The following RALGPS1 variants were observed in gnomAD, a reference collection of about 807,000 sequenced individuals.
RALGPS1 encodes the protein ras-specific guanine nucleotide-releasing factor RalGPS1.
Under a neutral mutation model 78.8 loss-of-function variants are expected in RALGPS1, and 19 were observed. That is an observed-to-expected ratio of 0.24 (90% confidence interval 0.17 to 0.35). The LOEUF is 0.35. Ranked by LOEUF, RALGPS1 falls within the 10% of genes least tolerant of loss-of-function variation. The pLI is 1.00. For synonymous variants in RALGPS1, 228 were observed against 256.3 expected, an observed-to-expected ratio of 0.89 and a Z score of 1.06; for missense variants, 454 against 688.3, an observed-to-expected ratio of 0.66 and a Z score of 3.81.
At chr9:127,041,031 TTG>T (rs58541875) in intron 5 of RALGPS1, among the ~76,000 whole-genome samples, 376 of 135,820 alleles carry the variant, frequency 2.8e-3, no homozygotes, top group African/African-American at 8.9e-3. Context: ...CTACAAACAT[TTG>T]TGTGTGTGTG....
chr9:127,003,968 G>T (rs1295305387), intron 4 of RALGPS1, among the ~76,000 whole-genome samples: 2 of 152,110 alleles, frequency 1.3e-5, no homozygotes, highest in African/African-American at 4.8e-5. Flanking sequence ...CCTCTTTCTG[G>T]CATCTTGGGC....
At chr9:127,015,900 C>G (rs1400373281) in intron 4 of RALGPS1, among the ~76,000 whole-genome samples, 1 of 152,096 alleles carries the variant, frequency 6.6e-6, no homozygotes, top group African/African-American at 2.4e-5. Flanking sequence ...CACCTGATCC[C>G]ACCTGGGGTT....
chr9:127,042,701 G>A (rs77699429), intron 5 of RALGPS1, among the ~76,000 whole-genome samples: 201 of 152,170 alleles, frequency 1.3e-3, no homozygotes, highest in African/African-American at 4.6e-3. Flanking sequence ...TAAATAAAAT[G>A]TATACAGATT....
At chr9:126,955,455 C>T (rs1266900916) in intron 1 of RALGPS1, among the ~76,000 whole-genome samples, 3 of 152,182 alleles carry the variant, frequency 2.0e-5, no homozygotes, top group Non-Finnish European at 4.4e-5. Context: ...TTTCATGTCA[C>T]ATAACATTCG....
At chr9:127,170,456 G>A (rs776316863) in intron 10 of RALGPS1, among the ~76,000 whole-genome samples, 1 of 152,174 alleles carries the variant, frequency 6.6e-6, no homozygotes, top group African/African-American at 2.4e-5. Flanking sequence ...ATTGTGATCT[G>A]TTACCCAATA....
intron 8 of RALGPS1, among the ~76,000 whole-genome samples, chr9:127,104,415 C>A (rs977209903): frequency 2.6e-5 from 4 of 152,216 alleles, no homozygotes; most frequent in Non-Finnish European, 5.9e-5. Context: ...TAGAGAATGA[C>A]CCCTGGAGCC....
Position 127,221,789 on chromosome 9 carries a change from C to T in RALGPS1, c.*3020C>T, listed in dbSNP as rs1052970683. ...TATCATTTTACCCCCACCTCCCAAG[C>T]CCCAAGAGGTGTACCTTTTCAGATG... On this transcript the variant is annotated 3_prime_UTR_variant, in exon 19 of 19. Coordinates refer to ENST00000259351, the MANE Select transcript of RALGPS1 (RefSeq NM_014636.3). 4 of 152,128 alleles carry T rather than the reference C, an allele frequency of 2.6e-5. No homozygotes were observed. The highest frequency in any genetic ancestry group is 4.4e-5 in the Non-Finnish European group (3 of 68,024). The allele number at this position is 152,128 out of a possible 1,614,324, so 9.4% of individuals were successfully genotyped here.
chr9:127,170,638 T>C (rs1337949786), intron 10 of RALGPS1, among the ~76,000 whole-genome samples: 1 of 152,230 alleles, frequency 6.6e-6, no homozygotes, highest in African/African-American at 2.4e-5. Context: ...GCACCAGTAT[T>C]GTGATAAAGG....
At chr9:127,060,267 G>A (rs1458660125) in intron 7 of RALGPS1, among the ~76,000 whole-genome samples, 1 of 152,130 alleles carries the variant, frequency 6.6e-6, no homozygotes, top group Non-Finnish European at 1.5e-5. Context: ...GTGAGAAATT[G>A]TCACCCTAGC....
intron 8 of RALGPS1, among the ~76,000 whole-genome samples, chr9:127,073,305 T>C (rs2050367035): frequency 6.6e-6 from 1 of 152,204 alleles, no homozygotes; most frequent in East Asian, 1.9e-4. Flanking sequence ...TCAGCTTTTT[T>C]AGCTAGCACA....
intron 3 of RALGPS1, among the ~76,000 whole-genome samples, chr9:126,976,188 A>G (rs959890555): frequency 6.6e-6 from 1 of 152,048 alleles, no homozygotes; most frequent in African/African-American, 2.4e-5. Context: ...CAACCAAATT[A>G]ATGGTCCCTT....
At chr9:127,036,915 A>C (rs1456660108) in intron 5 of RALGPS1, among the ~76,000 whole-genome samples, 1 of 152,202 alleles carries the variant, frequency 6.6e-6, no homozygotes, top group African/African-American at 2.4e-5. Context: ...CCGGAAGTTT[A>C]TGTGTGGACA....
intron 17 of RALGPS1, 86 bp from the exon 18 acceptor site, chr9:127,214,665 C>A: frequency 1.3e-6 from 2 of 1,526,764 alleles, no homozygotes; most frequent in Non-Finnish European, 1.7e-6. Flanking sequence ...CTTTAGTTAC[C>A]CGTGTTTACA....
At chr9:126,998,208 G>C (rs1211496137) in intron 4 of RALGPS1, among the ~76,000 whole-genome samples, 1 of 152,082 alleles carries the variant, frequency 6.6e-6, no homozygotes, top group East Asian at 1.9e-4. Context: ...CACAGCAAAA[G>C]AAACTACCAT....
At chr9:126,918,345 C>CT (rs781373697) in intron 1 of RALGPS1, among the ~76,000 whole-genome samples, 40 of 152,256 alleles carry the variant, frequency 2.6e-4, no homozygotes, top group Admixed American at 2.6e-3. Context: ...TCGTTTAAAA[C>CT]TTTTTTTAAG....
chr9:127,132,366 G>C (rs920815880), intron 8 of RALGPS1, among the ~76,000 whole-genome samples: 4 of 152,230 alleles, frequency 2.6e-5, no homozygotes, highest in Non-Finnish European at 4.4e-5. Flanking sequence ...TCGTCTTGCA[G>C]AAATTACTTC....
intron 3 of RALGPS1, among the ~76,000 whole-genome samples, chr9:126,973,901 A>G (rs1237212558): frequency 2.0e-5 from 3 of 151,956 alleles, no homozygotes; most frequent in African/African-American, 7.3e-5. Context: ...TTTTGAGACA[A>G]TCTCACTTAC....
At chr9:127,037,909 G>A (rs1008677940) in intron 5 of RALGPS1, among the ~76,000 whole-genome samples, 5 of 152,200 alleles carry the variant, frequency 3.3e-5, no homozygotes, top group Non-Finnish European at 7.4e-5. Flanking sequence ...GAGGAGAGGC[G>A]GTAGGCCTAG....
chr9:126,973,557 T>C (rs1005144221), intron 3 of RALGPS1, among the ~76,000 whole-genome samples: 14 of 152,200 alleles, frequency 9.2e-5, no homozygotes, highest in African/African-American at 2.7e-4. Context: ...ACAAGTCACA[T>C]TGAAGAACTT....
Sources: allele counts gnomAD v4.1 joint callset (sites outside exome capture counted in the v4.1 genomes callset), GRCh38; gene constraint gnomAD v4.1.1; transcripts MANE v1.5; gene names NCBI Gene and HGNC (gene_info 2026-07-23, HGNC 2026-07-21).